The following PCDHGA11 variants were observed in gnomAD, a reference collection of about 807,000 sequenced individuals.
PCDHGA11 encodes the protein protocadherin gamma-A11.
PCDHGA11 carries 39 observed loss-of-function variants against 60.4 expected under a neutral mutation model. The observed-to-expected ratio is 0.65, with a 90% CI of 0.50 to 0.84. The LOEUF is 0.84. PCDHGA11 is among the 40% of genes least tolerant of loss of function. The pLI is 0.00. For synonymous variants in PCDHGA11, 533 were observed against 510.3 expected, an observed-to-expected ratio of 1.04 and a Z score of -0.60; for missense variants, 1,165 against 1,197.7, an observed-to-expected ratio of 0.97 and a Z score of 0.40.
rs756243026 is a variant in PCDHGA11, at chr5:141,487,478, T to C, written c.2434-7329T>C. On this transcript the variant is annotated intron_variant, in intron 1 of 3. Transcript: ENST00000398587. This position sits in a 1 kb window ranked among gnomAD's most constrained non-coding sequence, Gnocchi z 5.0. ...CAAGTTTGTTGATGTGGGAGGCCAC[T>C]CTCATGGCTGTACACCCTTGGCTTC... is the stretch of plus-strand genomic sequence containing the variant. 6 of 1,614,078 alleles carry C rather than the reference T, an allele frequency of 3.7e-6. No individual in the cohort carries two copies. In the Admixed American group the frequency reaches 1.0e-4, roughly 27 times the overall value.
intron 1 of PCDHGA11, among the ~76,000 whole-genome samples, chr5:141,472,178 A>G (rs1337942457): frequency 6.6e-6 from 1 of 152,210 alleles, no homozygotes; most frequent in African/African-American, 2.4e-5. Flanking sequence ...AATATCCAGT[A>G]TTGGAATTTG....
chr5:141,496,984 G>C (rs938752499), intron 2 of PCDHGA11, among the ~76,000 whole-genome samples: 1 of 151,896 alleles, frequency 6.6e-6, no homozygotes, highest in Admixed American at 6.6e-5. Context: ...TCAGGGGTTT[G>C]AGACCAGCCT....
rs1562144438 is a variant in PCDHGA11, at chr5:141,491,135, G to A, written c.2434-3672G>A. On this transcript the variant is annotated intron_variant, in intron 1 of 3. Transcript: ENST00000398587. The surrounding 1 kb of genome is among the most constrained non-coding windows in gnomAD (Gnocchi z 6.9). Reference sequence around the variant, plus strand: ...CACACTGGTGAGGTGCGCACAGCCCGGGCCTTACTGGAGGATGACTCTGAC... The same window carrying A: ...CACACTGGTGAGGTGCGCACAGCCCAGGCCTTACTGGAGGATGACTCTGAC... 4 of 1,614,104 alleles carry A rather than the reference G, an allele frequency of 2.5e-6. No homozygotes were observed. The highest frequency in any genetic ancestry group is 1.3e-5 in the African/African-American group (1 of 75,034).
rs77976889 is a variant in PCDHGA11, at chr5:141,493,704, G to C, written c.2434-1103G>C. On this transcript the variant is annotated intron_variant, in intron 1 of 3. Transcript: ENST00000398587. This position sits in a 1 kb window ranked among gnomAD's most constrained non-coding sequence, Gnocchi z 4.3. ...GTGCTGGTGACTCCCGATACACCTG[G>C]AATGCTAGGTTTCTGGGTTCTGCTC... Among the ~76,000 whole-genome samples the C allele has an allele frequency of 1.7e-3, 258 of 152,278 alleles. 2 individuals are homozygous for C. The highest frequency in any genetic ancestry group is 5.7e-3 in the African/African-American group (237 of 41,540).
chr5:141,460,430 G>T (rs1163518139), intron 1 of PCDHGA11, among the ~76,000 whole-genome samples: 2 of 152,110 alleles, frequency 1.3e-5, no homozygotes, highest in African/African-American at 4.8e-5. Flanking sequence ...ATGGTGTATG[G>T]TGTGAGGTAA....
In PCDHGA11 at chr5:141,476,606, G is replaced by A; in HGVS notation, c.2434-18201G>A. 1 of 1,614,244 alleles carries A rather than the reference G, an allele frequency of 6.2e-7. No homozygotes were observed. Among genetic ancestry groups the A allele is most frequent in the Non-Finnish European group, 8.5e-7 (1 of 1,180,046 alleles). Reference sequence around the variant, plus strand: ...GCTCGAGAGCGCGCACGATCCCGATGTGGGAAGCAACTCTTTACAAACCTA... The same window carrying A: ...GCTCGAGAGCGCGCACGATCCCGATATGGGAAGCAACTCTTTACAAACCTA... On this transcript the variant is annotated intron_variant, in intron 1 of 3. Transcript: ENST00000398587. The surrounding 1 kb of genome is among the most constrained non-coding windows in gnomAD (Gnocchi z 7.6).
chr5:141,424,169 A>G (rs542346399), intron 1 of PCDHGA11: 20 of 225,850 alleles, frequency 8.9e-5, no homozygotes, highest in Middle Eastern at 2.3e-3. Context: ...TCATCTATCT[A>G]TCTATACACA....
In PCDHGA11 at chr5:141,432,293, G is replaced by A; in HGVS notation, c.2433+8633G>A. On this transcript the variant is annotated intron_variant, in intron 1 of 3. Transcript: ENST00000398587. The surrounding 1 kb of genome is among the most constrained non-coding windows in gnomAD (Gnocchi z 6.0). ...CTACGTGTCCATCAACTCCGACACT[G>A]GGGTACTGTATGCGCTGAGCTCCTT... 1 of 1,614,254 alleles carries A rather than the reference G, an allele frequency of 6.2e-7. No homozygotes were observed. Among genetic ancestry groups the A allele is most frequent in the Non-Finnish European group, 8.5e-7 (1 of 1,180,040 alleles).
At chr5:141,447,650 T>TC (rs1036312126) in intron 1 of PCDHGA11, among the ~76,000 whole-genome samples, 5 of 151,988 alleles carry the variant, frequency 3.3e-5, no homozygotes, top group Non-Finnish European at 5.9e-5. Context: ...GGTAGAATTT[T>TC]CCCCCCCAGG....
chr5:141,462,471 C>T (rs1464947091), intron 1 of PCDHGA11, among the ~76,000 whole-genome samples: 1 of 152,020 alleles, frequency 6.6e-6, no homozygotes, highest in East Asian at 1.9e-4. Context: ...GTGTATTCTG[C>T]TTCTCGTGGT....
intron 1 of PCDHGA11, among the ~76,000 whole-genome samples, chr5:141,444,880 G>A (rs527554886): frequency 6.6e-6 from 1 of 152,150 alleles, no homozygotes; most frequent in Non-Finnish European, 1.5e-5. Context: ...AAGCTTGTAG[G>A]ATTTTTGAAT....
Position 141,491,415 on chromosome 5 carries a change from G to GGGT in PCDHGA11, c.2434-3389_2434-3387dup. 1 of 1,614,126 alleles carries GGGT rather than the reference G, an allele frequency of 6.2e-7. No individual in the cohort carries two copies. Among genetic ancestry groups the GGGT allele is most frequent in the Non-Finnish European group, 8.5e-7 (1 of 1,180,034 alleles). ...TTCAGGGAAACGCAGACGGGGACGG[G>GGGT]GGTGGAGGGCAGTGCTGCAGGCGCC... On this transcript the variant is annotated intron_variant, in intron 1 of 3. Transcript: ENST00000398587. The surrounding 1 kb of genome is among the most constrained non-coding windows in gnomAD (Gnocchi z 6.9).
chr5:141,458,340 G>C (rs4551132), intron 1 of PCDHGA11, among the ~76,000 whole-genome samples: 42,372 of 151,882 alleles, frequency 0.28, 6,646 homozygotes, highest in African/African-American at 0.43. Context: ...TTTAAGGAGT[G>C]GAGAGTTTAA....
At position 141,489,099 on chromosome 5, in the gene PCDHGA11, G is replaced by C; in HGVS notation, c.2434-5708G>C. 5.5e-6 allele frequency: 2 copies of C among 361,982 alleles called. No homozygotes were observed. The highest frequency in any genetic ancestry group is 5.0e-5 in the South Asian group (1 of 19,862). 22.4% of individuals were successfully genotyped at this position (361,982 alleles called of 1,614,324 possible). On this transcript the variant is annotated intron_variant, in intron 1 of 3. Coordinates refer to ENST00000398587, the MANE Select transcript of PCDHGA11 (RefSeq NM_018914.3). The surrounding 1 kb of genome is among the most constrained non-coding windows in gnomAD (Gnocchi z 4.5). Reference sequence around the variant, plus strand: ...CCCCGCCACTCGGTGACTAAGAACTGCTGCAAGCAGGCAAACCTCCGAGCA... The same window carrying C: ...CCCCGCCACTCGGTGACTAAGAACTCCTGCAAGCAGGCAAACCTCCGAGCA...
At position 141,422,750 on chromosome 5, in the gene PCDHGA11, T is replaced by C. The variant is rs778578440; in HGVS notation, c.1523T>C (p.Ile508Thr). 2.5e-6 allele frequency: 4 copies of C among 1,611,900 alleles called. No homozygotes were observed. The highest frequency in any genetic ancestry group is 3.4e-6 in the Non-Finnish European group (4 of 1,178,710). ...QGVPLSSYVS[I>T]NSNTGVLYAL... Reference sequence around the variant, plus strand: ...GTGCCTCTGTCCTCCTATGTCTCTATTAACTCCAACACTGGTGTTCTCTAT... The same window carrying C: ...GTGCCTCTGTCCTCCTATGTCTCTACTAACTCCAACACTGGTGTTCTCTAT... The change falls in exon 1 of 4, where the codon ATT becomes ACT. Residue 508 changes from isoleucine (I) to threonine (T), a missense_variant. Coordinates refer to ENST00000398587, the MANE Select transcript of PCDHGA11 (RefSeq NM_018914.3).
chr5:141,507,754 C>T (rs1488474557), intron 3 of PCDHGA11, among the ~76,000 whole-genome samples: 7 of 152,242 alleles, frequency 4.6e-5, no homozygotes, highest in Admixed American at 2.0e-4. Flanking sequence ...GTCAAGGCCT[C>T]CCACCTTTGG....
chr5:141,422,204 G>A lies in PCDHGA11; in HGVS notation c.977G>A (p.Gly326Glu), dbSNP rs185669562. The change falls in exon 1 of 4, where the codon GGA (glycine) becomes GAA (glutamate). Residue 326 changes from glycine (G) to glutamate (E), a missense_variant. By Grantham distance (98) the Gly-to-Glu change is moderately conservative. Transcript: ENST00000398587. Reference sequence around the variant, plus strand: ...ATGGAAATTCAAGGCCAAGATGGTGGAGGTCTCTTTACCACCACGACGATG... The same window carrying A: ...ATGGAAATTCAAGGCCAAGATGGTGAAGGTCTCTTTACCACCACGACGATG... Reference protein sequence around the residue: ...YEMEIQGQDGGGLFTTTTMLI... With the variant: ...YEMEIQGQDGEGLFTTTTMLI... The A allele has an allele frequency of 1.7e-4, 269 of 1,562,138 alleles. No individual in the cohort carries two copies. The African/African-American group carries it at 3.6e-3, about 21-fold the overall frequency.
chr5:141,463,438 CTTTTTTT>C (rs71576115), intron 1 of PCDHGA11, among the ~76,000 whole-genome samples: 1 of 103,252 alleles, frequency 9.7e-6, no homozygotes, highest in Non-Finnish European at 1.9e-5. Flanking sequence ...TTTCCTTCTC[CTTTTTTT>C]TTTTTTTTTT....
chr5:141,473,238 G>A (rs1265577738), intron 1 of PCDHGA11, among the ~76,000 whole-genome samples: 4 of 152,200 alleles, frequency 2.6e-5, no homozygotes, highest in Admixed American at 6.5e-5. Context: ...ATCCACACAA[G>A]TGAATACATA....
Sources: gnomAD v4.1 joint callset for allele counts (sites outside exome capture counted in the v4.1 genomes callset) on GRCh38, gnomAD v4.1.1 for gene constraint, Gnocchi (gnomAD v3.1) non-coding constraint, MANE v1.5 for transcripts, NCBI Gene and HGNC (gene_info 2026-07-23, HGNC 2026-07-21) for gene names.